The following DMD variants were observed in gnomAD, a reference collection of about 807,000 sequenced individuals.
DMD encodes the protein mutant dystrophin.
Under a neutral mutation model 330.1 loss-of-function variants are expected in DMD, and 63 were observed. That is an observed-to-expected ratio of 0.19 (90% CI 0.16 to 0.24). The LOEUF (loss-of-function observed/expected upper bound fraction) is 0.24, where lower values mean the gene tolerates loss of function less well. Among genes scored for constraint, DMD ranks in the 10% least tolerant of loss-of-function variants. The pLI is 1.00. For missense variants in DMD, 3,344 were observed against 2,684.1 expected (o/e 1.25, Z -5.43); for synonymous variants, 1,223 against 959.8 (o/e 1.27, Z -5.07).
chrX:31,434,434 A>AGTG (rs2064352402), intron 60 of DMD, among the ~76,000 whole-genome samples: 3 of 90,291 alleles, frequency 3.3e-5, no homozygotes, highest in East Asian at 4.0e-4. Context: ...ACACACACAC[A>AGTG]CACACACACA....
At chrX:32,856,795 G>A (rs1308866681) in intron 2 of DMD, among the ~76,000 whole-genome samples, 1 of 111,698 alleles carries the variant, frequency 9.0e-6, no homozygotes, top group African/African-American at 3.3e-5. Flanking sequence ...AAGAATTTGG[G>A]CCAGGCACGG....
chrX:32,222,309 G>A (rs1456801067), intron 43 of DMD, among the ~76,000 whole-genome samples: 2 of 111,689 alleles, frequency 1.8e-5, no homozygotes, highest in African/African-American at 6.5e-5. Flanking sequence ...AGCACCAAAT[G>A]CCTACATCAA....
chrX:32,170,180 G>A (rs1269789529), intron 44 of DMD, among the ~76,000 whole-genome samples: 1 of 110,305 alleles, frequency 9.1e-6, no homozygotes, highest in Non-Finnish European at 1.9e-5. Context: ...AATTAAAAAA[G>A]AAAGAGTGGG....
chrX:31,296,532 A>T (rs2054199707), intron 62 of DMD, among the ~76,000 whole-genome samples: 3 of 111,700 alleles, frequency 2.7e-5, no homozygotes. Flanking sequence ...CTCCCTTTAC[A>T]GTAGGTCAAG....
chrX:31,579,405 A>T (rs2076245953), intron 55 of DMD, among the ~76,000 whole-genome samples: 1 of 112,392 alleles, frequency 8.9e-6, no homozygotes, highest in African/African-American at 3.2e-5. Context: ...TCTGCCAACA[A>T]TTCTACCCAT....
At chrX:31,569,616 ATATATACGTATATACGTATATATATG>A (rs1381313458) in intron 55 of DMD, among the ~76,000 whole-genome samples, 2 of 100,057 alleles carry the variant, frequency 2.0e-5, no homozygotes, top group African/African-American at 3.8e-5. Context: ...GTATATACGT[ATATATACGTATATACGTATATATATG>A]TATATACGTA....
chrX:33,204,276 C>G (rs1449505266), intron 1 of DMD, among the ~76,000 whole-genome samples: 1 of 111,810 alleles, frequency 8.9e-6, no homozygotes, highest in Non-Finnish European at 1.9e-5. Flanking sequence ...GGACCCCAGT[C>G]GGCCATTCAG....
intron 55 of DMD, among the ~76,000 whole-genome samples, chrX:31,591,701 G>A (rs762449181): frequency 5.5e-5 from 6 of 109,566 alleles, no homozygotes; most frequent in Non-Finnish European, 9.7e-5. Context: ...CCCAATCCTC[G>A]GGGGAGATTC....
intron 2 of DMD, among the ~76,000 whole-genome samples, chrX:32,898,740 T>C (rs1465916247): frequency 9.0e-6 from 1 of 111,294 alleles, no homozygotes; most frequent in South Asian, 3.9e-4. Context: ...TGGGGATCAC[T>C]TTTGTTGCCA....
chrX:32,520,175 C>A (rs1430035771), intron 17 of DMD, among the ~76,000 whole-genome samples: 1 of 111,679 alleles, frequency 9.0e-6, no homozygotes, highest in African/African-American at 3.3e-5. Context: ...ATCTTTCCTA[C>A]ATTTTTTATC....
At chrX:32,791,888 G>T (rs888000402) in intron 7 of DMD, among the ~76,000 whole-genome samples, 2 of 109,533 alleles carry the variant, frequency 1.8e-5, no homozygotes, top group African/African-American at 6.9e-5. Flanking sequence ...GATGCTGAAA[G>T]ATCTCAAAAA....
intron 41 of DMD, among the ~76,000 whole-genome samples, chrX:32,327,546 A>C: frequency 9.0e-6 from 1 of 111,595 alleles, no homozygotes; most frequent in Non-Finnish European, 1.9e-5. Flanking sequence ...TCACTGAAGA[A>C]AACCATTTTT....
chrX:33,026,677 G>A (rs768789324), intron 1 of DMD, among the ~76,000 whole-genome samples: 60 of 111,669 alleles, frequency 5.4e-4, no homozygotes, highest in South Asian at 2.6e-3. Flanking sequence ...CTGAGGTGAC[G>A]TTAGTGGTCA....
chrX:32,815,028 G>A (rs1270789101), intron 6 of DMD, among the ~76,000 whole-genome samples: 2 of 111,308 alleles, frequency 1.8e-5, no homozygotes, highest in African/African-American at 6.5e-5. Context: ...TATTGAGGCT[G>A]TGGAAACATT....
chrX:31,495,712 T>C (rs930572944), intron 57 of DMD, among the ~76,000 whole-genome samples: 1 of 111,153 alleles, frequency 9.0e-6, no homozygotes, highest in South Asian at 3.8e-4. Flanking sequence ...CCTACCCCAG[T>C]GAATAAATGA....
intron 13 of DMD, among the ~76,000 whole-genome samples, chrX:32,586,805 C>T (rs5972612): frequency 0.15 from 16,413 of 110,377 alleles, 3,054 homozygotes; most frequent in African/African-American, 0.51. Context: ...GATTTAACTT[C>T]ATTATGCATT....
chrX:31,478,462 C>T, intron 58 of DMD, 88 bp from the exon 59 acceptor site: 2 of 1,148,289 alleles, frequency 1.7e-6, no homozygotes, highest in Non-Finnish European at 2.4e-6. Context: ...AGAAAGAGTA[C>T]AGTTGAACAA....
At chrX:32,763,574 C>T (rs1215184034) in intron 7 of DMD, among the ~76,000 whole-genome samples, 1 of 111,587 alleles carries the variant, frequency 9.0e-6, no homozygotes, top group African/African-American at 3.3e-5. Flanking sequence ...ATGCTCTAAA[C>T]ACCACTAAGG....
intron 45 of DMD, among the ~76,000 whole-genome samples, chrX:31,932,778 A>G (rs1381846990): frequency 1.8e-5 from 2 of 112,311 alleles, no homozygotes; most frequent in African/African-American, 6.5e-5. Context: ...GTACATACAT[A>G]CATACATACA....
Sources: allele counts gnomAD v4.1 joint callset (sites outside exome capture counted in the v4.1 genomes callset), GRCh38; gene constraint gnomAD v4.1.1; transcripts MANE v1.5; gene names NCBI Gene and HGNC (gene_info 2026-07-23, HGNC 2026-07-21).